Variants in MGAM2 observed in about 807,000 individuals in gnomAD.
The protein encoded by MGAM2 is probable maltase-glucoamylase 2.
MGAM2 carries 98 observed loss-of-function variants against 96.1 expected under a neutral mutation model. That is an observed-to-expected ratio of 1.02 (90% CI 0.87 to 1.21). MGAM2 has a LOEUF of 1.21. MGAM2 is among the 50% of genes most tolerant of loss of function. The pLI, the probability that MGAM2 is intolerant of heterozygous loss-of-function variation, is 0.00. For synonymous variants in MGAM2, 749 were observed against 414.8 expected, an observed-to-expected ratio of 1.81 and a Z score of -9.79; for missense variants, 2,055 against 1,182.4, an observed-to-expected ratio of 1.74 and a Z score of -10.82.
chr7:142,218,025 A>C (rs1304342951), intron 46 of MGAM2, among the ~76,000 whole-genome samples: 1 of 152,156 alleles, frequency 6.6e-6, no homozygotes, highest in African/African-American at 2.4e-5. Context: ...CGGAGGTTGC[A>C]GTGAGCCCAG....
intron 30 of MGAM2, 47 bp downstream of exon 30, chr7:142,172,811 C>A: frequency 1.5e-6 from 1 of 663,734 alleles, no homozygotes; most frequent in Admixed American, 2.3e-5. Flanking sequence ...TATTTATTGG[C>A]TATTACCACA....
At chr7:142,138,283 A>G (rs1169702737) in intron 9 of MGAM2, among the ~76,000 whole-genome samples, 3 of 151,632 alleles carry the variant, frequency 2.0e-5, no homozygotes, top group South Asian at 2.1e-4. Context: ...TCAGAAAAAC[A>G]CTTATAGAAT....
chr7:142,169,391 C>T (rs147243553), intron 26 of MGAM2, among the ~76,000 whole-genome samples: 49 of 151,874 alleles, frequency 3.2e-4, no homozygotes, highest in African/African-American at 7.7e-4. Flanking sequence ...CACTGCACTC[C>T]GAGCTGGCGA....
At chr7:142,115,243 C>T (rs1212571118) in intron 1 of MGAM2, among the ~76,000 whole-genome samples, 1 of 152,086 alleles carries the variant, frequency 6.6e-6, no homozygotes, top group Non-Finnish European at 1.5e-5. Context: ...ATTACTGCTG[C>T]GAAAAGTGAG....
chr7:142,172,871 C>T (rs1796241033), intron 30 of MGAM2, 107 bp downstream of exon 30: 1 of 579,126 alleles, frequency 1.7e-6, no homozygotes, highest in African/African-American at 1.9e-5. Flanking sequence ...TTGAGTGTCA[C>T]TACTAGATTA....
chr7:142,195,819 A>G (rs911278539), intron 37 of MGAM2, among the ~76,000 whole-genome samples: 13 of 152,274 alleles, frequency 8.5e-5, no homozygotes, highest in African/African-American at 2.4e-4. Context: ...GAGACACCAC[A>G]TAGGAAAGTG....
In MGAM2 at chr7:142,131,610, A is replaced by T; in HGVS notation, c.403A>T (p.Asn135Tyr). 2 of 703,138 alleles carry T rather than the reference A, an allele frequency of 2.8e-6. No homozygotes were observed. 43.6% of individuals were successfully genotyped at this position (703,138 alleles called of 1,614,324 possible). A position where few individuals can be genotyped will look rare whatever the true frequency, so the allele number is the denominator to read the frequency against. The change falls in exon 5 of 48, where the codon AAT becomes TAT. Residue 135 changes from asparagine (N) to tyrosine (Y), a missense_variant. By Grantham distance (143) the Asn-to-Tyr change is moderately radical. Transcript: ENST00000477922. ...TTTCACAGCTGAATATCAGACATCCAATCGGTTTCATTTTAAGGTTGGTTT... is the reference window on the plus strand; with the variant it reads ...TTTCACAGCTGAATATCAGACATCCTATCGGTTTCATTTTAAGGTTGGTTT... ...TLFTAEYQTS[N>Y]RFHFKITDFN...
rs1275928478 is a variant in MGAM2, at chr7:142,164,937, A to C, written c.2566A>C (p.Met856Leu). Residue 856 changes from methionine to leucine, a missense_variant, in exon 24 of 48, where the codon ATG becomes CTG. Coordinates refer to ENST00000477922, the MANE Select transcript of MGAM2 (RefSeq NM_001293626.2). ...LMFTDITILG[M>L]DKQPANFIVL... is the part of the protein sequence containing the mutation. Reference sequence around the variant, plus strand: ...GTTCACAGATATCACAATCTTGGGAATGGACAAACAGCCAGCTAATTTTAT... The same window carrying C: ...GTTCACAGATATCACAATCTTGGGACTGGACAAACAGCCAGCTAATTTTAT... The C allele has an allele frequency of 1.4e-6, 1 of 702,874 alleles. No homozygotes were observed. Among genetic ancestry groups the C allele is most frequent in the Non-Finnish European group, 2.6e-6 (1 of 384,914 alleles). 43.5% of individuals were successfully genotyped at this position (702,874 alleles called of 1,614,324 possible). A position where few individuals can be genotyped will look rare whatever the true frequency, so the allele number is the denominator to read the frequency against.
chr7:142,164,592 TAC>T (rs1341308732), intron 23 of MGAM2, among the ~76,000 whole-genome samples: 10 of 152,316 alleles, frequency 6.6e-5, no homozygotes, highest in Non-Finnish European at 1.3e-4. Flanking sequence ...TTGAAAATTC[TAC>T]AGTGTCAGGG....
intron 32 of MGAM2, among the ~76,000 whole-genome samples, 187 bp downstream of exon 32, chr7:142,175,967 A>G (rs1796361774): frequency 1.3e-5 from 2 of 152,072 alleles, no homozygotes; most frequent in Admixed American, 1.3e-4. Context: ...CAAATGAAAG[A>G]AAGAAATGAA....
At chr7:142,140,732 C>T (rs962846540) in intron 10 of MGAM2, 70 bp from the exon 11 acceptor site, 7 of 598,852 alleles carry the variant, frequency 1.2e-5, no homozygotes, top group African/African-American at 1.1e-4. Flanking sequence ...GGTCAGGAAC[C>T]AGAGCTGTAA....
intron 35 of MGAM2, 125 bp downstream of exon 35, chr7:142,186,248 G>A (rs971939168): frequency 7.0e-5 from 43 of 614,792 alleles, no homozygotes; most frequent in Non-Finnish European, 1.2e-4. Flanking sequence ...TCTAGGTGCT[G>A]TTACAGAATC....
Position 142,172,125 on chromosome 7 carries a change from C to T in MGAM2, c.3379C>T (p.Pro1127Ser), listed in dbSNP as rs1796214315. The change falls in exon 29 of 48, where the codon CCT (proline) becomes TCT (serine). Residue 1127 changes from proline (P) to serine (S), a missense_variant. Pro to Ser is a moderately conservative substitution (Grantham distance 74, BLOSUM62 -1). Coordinates refer to ENST00000477922, the MANE Select transcript of MGAM2 (RefSeq NM_001293626.2). ...CAAGAAGAATTCCTATGGTGTCCAC[C>T]CTTACTACATGGCACTGGAGGAGGA... ...AYKKNSYGVHPYYMALEEDGS... is the reference protein window; with the variant it reads ...AYKKNSYGVHSYYMALEEDGS... 1.4e-6 allele frequency: 1 copy of T among 735,240 alleles called. No homozygotes were observed. The allele number at this position is 735,240 out of a possible 1,614,324, so 45.5% of individuals were successfully genotyped here.
intron 45 of MGAM2, among the ~76,000 whole-genome samples, chr7:142,205,904 G>T (rs1452663232): frequency 1.3e-5 from 2 of 152,026 alleles, no homozygotes; most frequent in African/African-American, 2.4e-5. Flanking sequence ...TTTCTTCTAA[G>T]AGTTTTATAG....
chr7:142,190,463 C>T (rs1259630075), intron 37 of MGAM2, among the ~76,000 whole-genome samples: 9 of 151,470 alleles, frequency 5.9e-5, no homozygotes, highest in Non-Finnish European at 1.3e-4. Context: ...TTAGTAGAGA[C>T]GGGTTTCGCC....
chr7:142,134,840 G>GA (rs1173956428), intron 7 of MGAM2, among the ~76,000 whole-genome samples: 6 of 149,976 alleles, frequency 4.0e-5, no homozygotes, highest in Non-Finnish European at 7.4e-5. Context: ...ATATATTACT[G>GA]AAAAAATGAA....
In MGAM2 at chr7:142,171,346, A is replaced by G. The variant is rs1227973001; in HGVS notation, c.3257A>G (p.Tyr1086Cys). The G allele has an allele frequency of 1.4e-6, 1 of 703,052 alleles. No individual in the cohort carries two copies. The highest frequency in any genetic ancestry group is 1.7e-5 in the African/African-American group (1 of 57,182). 43.6% of individuals were successfully genotyped at this position (703,052 alleles called of 1,614,324 possible). Residue 1086 changes from tyrosine to cysteine, a missense_variant, in exon 28 of 48, where the codon TAC becomes TGC. By Grantham distance (194) the Tyr-to-Cys change is radical (BLOSUM62 -2). Transcript: ENST00000477922. ...LSISTRLPSQ[Y>C]IYGFGETEHT... ...ATTTCTACGCGTCTGCCGTCCCAGT[A>G]CATCTATGGCTTTGGGGAAACTGAG...
At chr7:142,191,155 C>T (rs924906317) in intron 37 of MGAM2, among the ~76,000 whole-genome samples, 4 of 151,836 alleles carry the variant, frequency 2.6e-5, no homozygotes, top group African/African-American at 7.3e-5. Flanking sequence ...ATTATTGGAT[C>T]GTAAGAATTC....
intron 21 of MGAM2, among the ~76,000 whole-genome samples, chr7:142,160,671 T>C (rs532364519): frequency 6.6e-6 from 1 of 151,452 alleles, no homozygotes; most frequent in South Asian, 2.1e-4. Context: ...GTTCAAGCCT[T>C]GGTTTGGGCT....
Sources: gnomAD v4.1 joint callset for allele counts (sites outside exome capture counted in the v4.1 genomes callset) on GRCh38, gnomAD v4.1.1 for gene constraint, MANE v1.5 for transcripts, NCBI Gene and HGNC (gene_info 2026-07-23, HGNC 2026-07-21) for gene names.